MYO16: variants seen among roughly 807,000 people sequenced by gnomAD.
The protein encoded by MYO16 is unconventional myosin-XVI.
A neutral mutation model predicts 205.3 loss-of-function variants in MYO16; 94 were observed. The ratio of observed to expected loss-of-function variants is 0.46; its 90% CI spans 0.39 to 0.54. MYO16 has a LOEUF of 0.54. Among genes scored for constraint, MYO16 ranks in the 20% least tolerant of loss-of-function variants. The pLI is 0.00. For synonymous variants in MYO16, 988 were observed against 954.0 expected (o/e 1.04, Z -0.66); for missense variants, 2,315 against 2,387.5 (o/e 0.97, Z 0.63).
chr13:108,708,407 A>G (rs749701860), intron 2 of MYO16, among the ~76,000 whole-genome samples: 2 of 152,226 alleles, frequency 1.3e-5, no homozygotes, highest in Non-Finnish European at 2.9e-5. Flanking sequence ...GAAAAAAATG[A>G]CACTGGCTTG....
chr13:109,037,130 T>C (rs1347518782), intron 23 of MYO16, among the ~76,000 whole-genome samples: 2 of 152,234 alleles, frequency 1.3e-5, no homozygotes, highest in Non-Finnish European at 2.9e-5. Flanking sequence ...TAGTGCTTTT[T>C]CTTTCCTAGA....
intron 7 of MYO16, among the ~76,000 whole-genome samples, 182 bp downstream of exon 7, chr13:108,806,986 TG>T (rs1282597295): frequency 3.9e-5 from 6 of 152,204 alleles, no homozygotes; most frequent in African/African-American, 1.4e-4. Flanking sequence ...CAAGAGCACA[TG>T]TTCCTTATGT....
At chr13:109,124,258 ATGTC>A (rs1463919953) in intron 29 of MYO16, among the ~76,000 whole-genome samples, 1 of 152,196 alleles carries the variant, frequency 6.6e-6, no homozygotes, top group Non-Finnish European at 1.5e-5. Flanking sequence ...GTGAGAGATT[ATGTC>A]TGTGTAACTG....
chr13:109,165,648 C>T (rs932673188), intron 33 of MYO16, among the ~76,000 whole-genome samples: 4 of 152,100 alleles, frequency 2.6e-5, no homozygotes, highest in African/African-American at 9.7e-5. Flanking sequence ...TAATTAGAGG[C>T]GTGGGAGAAC....
intron 28 of MYO16, among the ~76,000 whole-genome samples, chr13:109,118,747 T>G (rs1331207420): frequency 6.6e-6 from 1 of 151,962 alleles, no homozygotes. Flanking sequence ...CTGTTCTTCC[T>G]GTCGACTGCC....
intron 23 of MYO16, among the ~76,000 whole-genome samples, chr13:109,035,257 A>C (rs777274365): frequency 6.6e-6 from 1 of 152,180 alleles, no homozygotes; most frequent in Non-Finnish European, 1.5e-5. Context: ...AAAAAATGCT[A>C]ACTCCCCTAA....
chr13:109,195,585 G>A (rs758548804), intron 34 of MYO16, among the ~76,000 whole-genome samples: 22 of 152,044 alleles, frequency 1.4e-4, no homozygotes, highest in Non-Finnish European at 2.9e-4. Context: ...TTAGCTCCAA[G>A]TAGAAATGCG....
intron 32 of MYO16, among the ~76,000 whole-genome samples, chr13:109,144,919 T>C (rs756160411): frequency 8.5e-5 from 13 of 152,224 alleles, no homozygotes; most frequent in Non-Finnish European, 1.8e-4. Flanking sequence ...TTCTACTCCA[T>C]TACTATTCCA....
chr13:108,893,614 G>C (rs951136630), intron 14 of MYO16, among the ~76,000 whole-genome samples: 8 of 152,132 alleles, frequency 5.3e-5, no homozygotes, highest in Non-Finnish European at 8.8e-5. Context: ...TTGAGGGTCA[G>C]GATAAGATGA....
At chr13:109,149,333 C>CCCCCTGGACCCTT (rs1877519701) in intron 32 of MYO16, among the ~76,000 whole-genome samples, 1 of 152,164 alleles carries the variant, frequency 6.6e-6, no homozygotes, top group African/African-American at 2.4e-5. Flanking sequence ...TCTCCTTTCT[C>CCCCCTGGACCCTT]CCCCTGGACC....
rs542397617 is a variant in MYO16, at chr13:108,699,921, C to T, written c.293-12740C>T. Among the ~76,000 whole-genome samples the T allele has an allele frequency of 1.6e-4, 24 of 152,168 alleles. No homozygotes were observed. The South Asian group carries it at 4.8e-3, about 30-fold the overall frequency. On this transcript the variant is annotated intron_variant, in intron 2 of 34. Coordinates refer to ENST00000457511, the MANE Select transcript of MYO16 (RefSeq NM_001198950.3). The stretch of plus-strand genomic sequence containing the variant: ...TTTTAAGATAATGGGGGAGACTGCT[C>T]CTGGAGTTACAGAGAGACGACCACT...
At chr13:108,886,153 A>G (rs1879870031) in intron 13 of MYO16, among the ~76,000 whole-genome samples, 1 of 151,864 alleles carries the variant, frequency 6.6e-6, no homozygotes, top group African/African-American at 2.4e-5. Flanking sequence ...ACGCCCGGCT[A>G]ATTTTTTGTA....
At chr13:108,533,626 C>T in the MYO16 span, among the ~76,000 whole-genome samples, 1 of 152,190 alleles carries the variant, frequency 6.6e-6, no homozygotes, top group African/African-American at 2.4e-5. Context: ...AAGCTCTGCA[C>T]TGGAATTCTC....
chr13:108,987,517 A>G (rs1167403464), intron 20 of MYO16, among the ~76,000 whole-genome samples: 4 of 152,260 alleles, frequency 2.6e-5, no homozygotes, highest in Non-Finnish European at 5.9e-5. Flanking sequence ...TGAATAAATC[A>G]GCATATTGAC....
the MYO16 span, among the ~76,000 whole-genome samples, chr13:108,523,000 A>G: frequency 2.0e-5 from 3 of 152,214 alleles, no homozygotes; most frequent in Non-Finnish European, 4.4e-5. Context: ...AATGCCATAG[A>G]AAAGCCTCAA....
chr13:108,656,351 T>C (rs2139412967), intron 1 of MYO16, among the ~76,000 whole-genome samples: 1 of 152,318 alleles, frequency 6.6e-6, no homozygotes, highest in South Asian at 2.1e-4. Context: ...TTTTGCCTCC[T>C]GCCATGATTC....
At chr13:108,782,541 C>T (rs1479119712) in intron 4 of MYO16, among the ~76,000 whole-genome samples, 1 of 152,178 alleles carries the variant, frequency 6.6e-6, no homozygotes, top group Non-Finnish European at 1.5e-5. Flanking sequence ...AAGCTGGCTG[C>T]AGAAATTTGC....
chr13:109,040,998 A>G (rs902960449), intron 23 of MYO16, among the ~76,000 whole-genome samples: 2 of 152,194 alleles, frequency 1.3e-5, no homozygotes, highest in African/African-American at 4.8e-5. Context: ...CAAAGAACTA[A>G]TAAGTGAGTT....
chr13:108,519,263 C>T, the MYO16 span, among the ~76,000 whole-genome samples: 3 of 152,138 alleles, frequency 2.0e-5, no homozygotes, highest in African/African-American at 7.2e-5. Flanking sequence ...TGATTTGTAA[C>T]ATGCCAATGA....
Sources: allele counts gnomAD v4.1 joint callset (sites outside exome capture counted in the v4.1 genomes callset), GRCh38; gene constraint gnomAD v4.1.1; transcripts MANE v1.5; gene names NCBI Gene and HGNC (gene_info 2026-07-23, HGNC 2026-07-21).